The following EIF3L variants were observed in gnomAD, a reference collection of about 807,000 sequenced individuals.
EIF3L encodes the protein eukaryotic translation initiation factor 3 subunit L, also known as eIEF associated protein HSPC021.
A neutral mutation model predicts 74.6 loss-of-function variants in EIF3L; 32 were observed. The observed-to-expected ratio is 0.43, with a 90% CI of 0.32 to 0.58. EIF3L has a LOEUF of 0.58. EIF3L is among the 20% of genes least tolerant of loss of function. The probability of loss-of-function intolerance (pLI) is 0.06; values close to 1 mark genes in which losing one functional copy is unlikely to be tolerated. For synonymous variants in EIF3L, 256 were observed against 254.4 expected (o/e 1.01, Z -0.06); for missense variants, 474 against 707.8 (o/e 0.67, Z 3.75).
intron 1 of EIF3L, 195 bp from the exon 2 acceptor site, chr22:37,849,820 T>A: frequency 1.6e-6 from 1 of 640,602 alleles, no homozygotes; most frequent in Non-Finnish European, 2.7e-6. Flanking sequence ...CTCCACCTCA[T>A]TGCACCCGTA....
At chr22:37,880,611 G>C (rs965518166) in intron 11 of EIF3L, 1 of 152,156 alleles carries the variant, frequency 6.6e-6, no homozygotes, top group Non-Finnish European at 1.5e-5. Flanking sequence ...TGGCCATGTT[G>C]CCCAGCCTGG....
chr22:37,849,901 A>G (rs1925079822), intron 1 of EIF3L, 114 bp from the exon 2 acceptor site: 2 of 1,123,604 alleles, frequency 1.8e-6, no homozygotes, highest in South Asian at 1.3e-5. Flanking sequence ...AGGCAGGCAC[A>G]GTGTCTTATT....
chr22:37,877,652 C>T (rs771790620), intron 10 of EIF3L, 22 bp from the exon 11 acceptor site: 2 of 1,574,798 alleles, frequency 1.3e-6, no homozygotes, highest in African/African-American at 1.3e-5. Context: ...TGACCCAGTA[C>T]CACTCTCCAC....
intron 10 of EIF3L, 128 bp downstream of exon 10, chr22:37,876,139 A>C (rs1237757883): frequency 1.0e-6 from 1 of 991,416 alleles, no homozygotes; most frequent in Non-Finnish European, 1.5e-6. Flanking sequence ...AAGACTGTAG[A>C]GCGCTCTGTG....
chr22:37,854,257 C>T (rs1925378490), intron 3 of EIF3L, among the ~76,000 whole-genome samples: 3 of 152,116 alleles, frequency 2.0e-5, no homozygotes. Context: ...AAGAGAGTAT[C>T]ACCAAATGTT....
intron 11 of EIF3L, chr22:37,883,994 C>T (rs1374372005): frequency 6.6e-6 from 1 of 152,144 alleles, no homozygotes; most frequent in Non-Finnish European, 1.5e-5. Flanking sequence ...GCAACCATCT[C>T]CACTGTCTAA....
chr22:37,881,975 T>G (rs1456314057), intron 11 of EIF3L: 1 of 152,164 alleles, frequency 6.6e-6, no homozygotes, highest in African/African-American at 2.4e-5. Flanking sequence ...AAGACCAACC[T>G]GGGCAACAAA....
At chr22:37,884,020 G>C (rs1300120956) in intron 11 of EIF3L, 1 of 152,104 alleles carries the variant, frequency 6.6e-6, no homozygotes, top group African/African-American at 2.4e-5. Flanking sequence ...AAACATTTCT[G>C]TCCCCCCAAA....
chr22:37,874,428 T>C lies in EIF3L; in HGVS notation c.810T>C (p.Gly270=), dbSNP rs1185014413. ...GGCACTCCCTCTACAAAATGCTTGG[T>C]TACTTCAGCCTGGTCGGGCTTCTCC... ...YGRHSLYKML[G]YFSLVGLLRL... Residue 270 remains glycine, a synonymous_variant, in exon 9 of 13, where the codon GGT becomes GGC. Coordinates refer to ENST00000652021, the MANE Select transcript of EIF3L (RefSeq NM_016091.4). 6.2e-7 allele frequency: 1 copy of C among 1,614,144 alleles called. No individual in the cohort carries two copies. The highest frequency in any genetic ancestry group is 8.5e-7 in the Non-Finnish European group (1 of 1,180,010).
Position 37,849,461 on chromosome 22 carries a change from C to G in EIF3L, c.12C>G (p.Pro4=). The G allele has an allele frequency of 6.2e-7, 1 of 1,612,078 alleles. No individual in the cohort carries two copies. The highest frequency in any genetic ancestry group is 1.7e-5 in the Admixed American group (1 of 59,884). ...CAAGCGAGGCAGCCATGTCTTATCC[C>G]GCTGATGATTATGAGTCTGAGGTAA... is the stretch of plus-strand genomic sequence containing the variant. The part of the protein sequence containing the change: MSY[P]ADDYESEAAY... Residue 4 remains proline, a synonymous_variant, in exon 1 of 13, where the codon CCC becomes CCG. Transcript: ENST00000652021.
chr22:37,851,015 C>T (rs1185724064), intron 2 of EIF3L, among the ~76,000 whole-genome samples: 1 of 152,150 alleles, frequency 6.6e-6, no homozygotes, highest in Non-Finnish European at 1.5e-5. Context: ...TGTCTGAGTA[C>T]AAGACAGACG....
chr22:37,850,460 C>A, intron 2 of EIF3L: 1 of 215,992 alleles, frequency 4.6e-6, no homozygotes, highest in South Asian at 4.8e-5. Context: ...TCTCAGCCTC[C>A]TGAGTAGCTG....
In EIF3L at chr22:37,849,629, C is replaced by G. The variant is rs7292777; in HGVS notation, c.33+147C>G. The G allele has an allele frequency of 1.1e-3, 1,003 of 904,134 alleles. 3 individuals carry two copies. The African/African-American group carries it at 0.015, about 13-fold the overall frequency. 56.0% of individuals were successfully genotyped at this position (904,134 alleles called of 1,614,324 possible). Reference sequence around the variant, plus strand: ...GCCCTCAGGCTGCTCCCACAGTTCCCGGTCCCTAGACAACCCTGGCTCTGC... The same window carrying G: ...GCCCTCAGGCTGCTCCCACAGTTCCGGGTCCCTAGACAACCCTGGCTCTGC... On this transcript the variant is annotated intron_variant, in intron 1 of 12. Transcript: ENST00000652021.
At chr22:37,873,518 C>T (rs550342207) in intron 8 of EIF3L, among the ~76,000 whole-genome samples, 185 of 152,218 alleles carry the variant, frequency 1.2e-3, no homozygotes, top group Admixed American at 2.6e-3. Context: ...TGGTCTCGAT[C>T]TCCTGACCTC....
At chr22:37,870,831 A>AG (rs1184942369) in intron 8 of EIF3L, among the ~76,000 whole-genome samples, 1 of 152,106 alleles carries the variant, frequency 6.6e-6, no homozygotes, top group African/African-American at 2.4e-5. Context: ...TGAAGCACAT[A>AG]AAGAAAATCT....
intron 11 of EIF3L, chr22:37,882,313 AAAG>A (rs1927090749): frequency 6.6e-6 from 1 of 152,180 alleles, no homozygotes; most frequent in Non-Finnish European, 1.5e-5. Flanking sequence ...ATCTTGAAAA[AAAG>A]AGAAAAAGCA....
chr22:37,888,859 C>A lies in EIF3L; in HGVS notation c.*395C>A. 5.5e-6 allele frequency: 1 copy of A among 180,352 alleles called. No homozygotes were observed. The highest frequency in any genetic ancestry group is 1.2e-5 in the Non-Finnish European group (1 of 86,464). The allele number at this position is 180,352 out of a possible 1,614,324, so 11.2% of individuals were successfully genotyped here. A position where few individuals can be genotyped will look rare whatever the true frequency, so the allele number is the denominator to read the frequency against. ...CCAGGTTCAAGCAGTTCTGCCTCAG[C>A]CTTCCAAGTAGCTGGGATTACAGGC... On this transcript the variant is annotated 3_prime_UTR_variant, in exon 13 of 13. Transcript: ENST00000652021.
intron 11 of EIF3L, chr22:37,882,463 C>T (rs991709658): frequency 2.6e-5 from 4 of 151,962 alleles, no homozygotes; most frequent in Admixed American, 1.3e-4. Context: ...CATCAGAGGT[C>T]AGGAGTTCAA....
In EIF3L at chr22:37,867,381, G is replaced by A. The variant is rs140102700; in HGVS notation, c.580-2795G>A. ...GTTCAATGGGAAAGAAATTCTGGCC[G>A]GGCGCAGTGGCTCACGCCTGTAATC... is the stretch of plus-strand genomic sequence containing the variant. On this transcript the variant is annotated intron_variant, in intron 7 of 12. Transcript: ENST00000652021. Among the ~76,000 whole-genome samples, 337 of 152,174 alleles carry A rather than the reference G, an allele frequency of 2.2e-3. 8 individuals carry two copies. The East Asian group carries it at 0.057, about 26-fold the overall frequency.
Sources: allele counts gnomAD v4.1 joint callset (sites outside exome capture counted in the v4.1 genomes callset), GRCh38; gene constraint gnomAD v4.1.1; transcripts MANE v1.5; gene names NCBI Gene and HGNC (gene_info 2026-07-23, HGNC 2026-07-21).